The following ZNF608 variants were observed in gnomAD, a reference collection of about 807,000 sequenced individuals.
ZNF608 encodes the protein zinc finger protein 608, also known as renal carcinoma antigen NY-REN-36.
In ZNF608, 12 loss-of-function variants were observed where a neutral mutation model predicts 109.0. The observed-to-expected ratio is 0.11, with a 90% CI of 0.07 to 0.18. ZNF608 has a LOEUF of 0.18. Ranked by LOEUF, ZNF608 falls within the 10% of genes least tolerant of loss-of-function variation. ZNF608 has a pLI of 1.00. For missense variants in ZNF608, 1,707 were observed against 1,879.3 expected (o/e 0.91, Z 1.70); for synonymous variants, 732 against 717.4 (o/e 1.02, Z -0.33).
chr5:124,651,326 G>C (rs1485614101), intron 3 of ZNF608, among the ~76,000 whole-genome samples: 5 of 152,190 alleles, frequency 3.3e-5, no homozygotes, highest in Admixed American at 6.5e-5. Context: ...AAAGGGGAGG[G>C]GGTGGGAGAG....
chr5:124,692,420 T>G (rs1752661886), intron 3 of ZNF608, among the ~76,000 whole-genome samples: 1 of 152,228 alleles, frequency 6.6e-6, no homozygotes, highest in Non-Finnish European at 1.5e-5. Context: ...CAGATGGAAT[T>G]TGTGCACTTA....
chr5:124,738,273 C>T (rs773863690), intron 2 of ZNF608, among the ~76,000 whole-genome samples: 4 of 152,080 alleles, frequency 2.6e-5, no homozygotes, highest in Non-Finnish European at 5.9e-5. Flanking sequence ...AGAATCCTAG[C>T]GAAGAAGGGT....
chr5:124,730,186 G>A (rs1748826064), intron 2 of ZNF608, among the ~76,000 whole-genome samples: 1 of 152,190 alleles, frequency 6.6e-6, no homozygotes, highest in Non-Finnish European at 1.5e-5. Flanking sequence ...CAAGTGATTT[G>A]AAGAGATCTG....
In ZNF608 at chr5:124,741,924, T is replaced by A. The variant is rs534893297; in HGVS notation, c.906+2160A>T. On this transcript the variant is annotated intron_variant, in intron 2 of 9. Coordinates refer to ENST00000513986, the MANE Select transcript of ZNF608 (RefSeq NM_020747.3). ...ACACTACAGGATCCAAGCCCCTGGA[T>A]CCAAGCCTTTGAGGGGCCCCTGTGC... 4.6e-5 allele frequency among the ~76,000 whole-genome samples: 7 copies of A among 152,256 alleles called. No individual in the cohort carries two copies. The South Asian group carries it at 1.4e-3, about 32-fold the overall frequency.
At chr5:124,738,497 A>C (rs1207577595) in intron 2 of ZNF608, among the ~76,000 whole-genome samples, 42 of 152,228 alleles carry the variant, frequency 2.8e-4, no homozygotes, top group Admixed American at 2.7e-3. Flanking sequence ...CCAGTGCTTA[A>C]TATTAAAGAA....
chr5:124,745,374 G>A (rs573399556), intron 1 of ZNF608: 3 of 191,074 alleles, frequency 1.6e-5, no homozygotes, highest in African/African-American at 2.4e-5. Flanking sequence ...AGCATCTTAC[G>A]GTAGCTAAAA....
At chr5:124,642,482 C>T (rs927560896) in intron 7 of ZNF608, among the ~76,000 whole-genome samples, 3 of 152,120 alleles carry the variant, frequency 2.0e-5, no homozygotes, top group African/African-American at 7.2e-5. Flanking sequence ...CAACCATGAA[C>T]ACTGATGATG....
At chr5:124,735,412 C>A in intron 2 of ZNF608, among the ~76,000 whole-genome samples, 1 of 152,178 alleles carries the variant, frequency 6.6e-6, no homozygotes, top group East Asian at 1.9e-4. Context: ...CAGCCCCGGG[C>A]CCGAGGTGCC....
chr5:124,652,906 T>G (rs1750854589), intron 3 of ZNF608, among the ~76,000 whole-genome samples: 1 of 152,260 alleles, frequency 6.6e-6, no homozygotes, highest in African/African-American at 2.4e-5. Flanking sequence ...GAAATAAGTG[T>G]ACACTTATTC....
intron 2 of ZNF608, among the ~76,000 whole-genome samples, chr5:124,728,458 CCT>C (rs1034652001): frequency 6.6e-6 from 1 of 152,134 alleles, no homozygotes. Context: ...ATAATAATAG[CCT>C]CACAGACATG....
In ZNF608 at chr5:124,648,033, G is replaced by A. The variant is rs571041088; in HGVS notation, c.2351C>T (p.Pro784Leu). The change falls in exon 5 of 10, where the codon CCG becomes CTG. Residue 784 changes from proline (P) to leucine (L), a missense_variant. Physicochemically the swap from Pro to Leu is moderately conservative, Grantham distance 98. Around this residue, in one of 7 missense-constraint regions of ZNF608, gnomAD observed 1,073 missense variants for 1,133.5 expected, o/e 0.95. Transcript: ENST00000513986. ...GGGCTTTGGTTGAATGGGTTTTAAC[G>A]GAGGACTCTTTGGTGTAGCCTGAAC... ...TVVQATPKSP[P>L]LKPIQPKPTI... The A allele has an allele frequency of 5.6e-6, 9 of 1,614,158 alleles. No homozygotes were observed. Among genetic ancestry groups the A allele is most frequent in the South Asian group, 1.1e-5 (1 of 91,072 alleles).
At chr5:124,734,385 G>A (rs1281219708) in intron 2 of ZNF608, among the ~76,000 whole-genome samples, 1 of 152,132 alleles carries the variant, frequency 6.6e-6, no homozygotes, top group Non-Finnish European at 1.5e-5. Context: ...CATATAATCA[G>A]GGGGATCAAC....
At position 124,744,187 on chromosome 5, in the gene ZNF608, T is replaced by C; in HGVS notation, c.803A>G (p.Lys268Arg). Residue 268 changes from lysine (K) to arginine (R), a missense_variant, in exon 2 of 10, where the codon AAA (lysine) becomes AGA (arginine). Transcript: ENST00000513986. The surrounding 1 kb of genome is among the most constrained non-coding windows in gnomAD (Gnocchi z 4.5). ...GSVAAAGEVS[K>R]SAPDSGLMGN... ...CATGAGCCCTGAATCCGGGGCACTT[T>C]TGCTAACTTCCCCTGCAGCGGCGAC... The C allele has an allele frequency of 6.2e-7, 1 of 1,613,750 alleles. No homozygotes were observed. The highest frequency in any genetic ancestry group is 8.5e-7 in the Non-Finnish European group (1 of 1,180,016).
intron 2 of ZNF608, among the ~76,000 whole-genome samples, chr5:124,741,041 C>T (rs927261907): frequency 3.3e-5 from 5 of 152,262 alleles, no homozygotes; most frequent in African/African-American, 9.6e-5. Context: ...CAGGTTTTAA[C>T]AACCAAAAGC....
intron 3 of ZNF608, among the ~76,000 whole-genome samples, chr5:124,696,271 A>G (rs776440980): frequency 2.2e-4 from 34 of 152,270 alleles, no homozygotes; most frequent in Non-Finnish European, 2.8e-4. Context: ...TCCCAAAATC[A>G]GTTTCCTTCC....
At chr5:124,702,994 T>C (rs1355785017) in intron 2 of ZNF608, among the ~76,000 whole-genome samples, 1 of 152,152 alleles carries the variant, frequency 6.6e-6, no homozygotes, top group Non-Finnish European at 1.5e-5. Context: ...AAAACAATGC[T>C]ACCTAGTAGT....
Position 124,746,488 on chromosome 5 carries a change from A to G in ZNF608, c.-477T>C. On this transcript the variant is annotated 5_prime_UTR_variant, in exon 1 of 10. Coordinates refer to ENST00000513986, the MANE Select transcript of ZNF608 (RefSeq NM_020747.3). ...GCACCAAAGGTTTTTTTTTCCTCTT[A>G]ACAAGCATCGAGAATAATAGTTTTT... 1.0e-6 allele frequency: 1 copy of G among 985,254 alleles called. No individual in the cohort carries two copies. Among genetic ancestry groups the G allele is most frequent in the Non-Finnish European group, 1.2e-6 (1 of 829,890 alleles). 61.0% of individuals were successfully genotyped at this position (985,254 alleles called of 1,614,324 possible). A position where few individuals can be genotyped will look rare whatever the true frequency, so the allele number is the denominator to read the frequency against.
intron 2 of ZNF608, among the ~76,000 whole-genome samples, chr5:124,717,566 CA>C (rs1753753851): frequency 6.6e-6 from 1 of 152,138 alleles, no homozygotes; most frequent in African/African-American, 2.4e-5. Flanking sequence ...AAAAATTAAG[CA>C]AAGATTAACT....
In ZNF608 at chr5:124,669,658, A is replaced by AACACACAC. The variant is rs56258363; in HGVS notation, c.1163-19969_1163-19962dup. 3.1e-3 allele frequency among the ~76,000 whole-genome samples: 461 copies of AACACACAC among 148,266 alleles called. 2 individuals are homozygous for AACACACAC. The highest frequency in any genetic ancestry group is 0.01 in the African/African-American group (422 of 40,398). ...GAATCCCTTCTCCCAAACACACACA[A>AACACACAC]ACACACACACACACACACACACACA... On this transcript the variant is annotated intron_variant, in intron 3 of 9. Transcript: ENST00000513986.
Sources: allele counts gnomAD v4.1 joint callset (sites outside exome capture counted in the v4.1 genomes callset), GRCh38; gene constraint gnomAD v4.1.1; regional missense constraint gnomAD v4.1.1; non-coding constraint Gnocchi (gnomAD v3.1); transcripts MANE v1.5; gene names NCBI Gene and HGNC (gene_info 2026-07-23, HGNC 2026-07-21).